DMD: variants seen among roughly 807,000 people sequenced by gnomAD.
DMD encodes the protein mutant dystrophin.
Under a neutral mutation model 330.1 loss-of-function variants are expected in DMD, and 63 were observed. That is an observed-to-expected ratio of 0.19 (90% CI 0.16 to 0.24). DMD has a LOEUF of 0.24. Among genes scored for constraint, DMD ranks in the 10% least tolerant of loss-of-function variants. DMD has a pLI of 1.00. For synonymous variants in DMD, 1,223 were observed against 959.8 expected (o/e 1.27, Z -5.07); for missense variants, 3,344 against 2,684.1 (o/e 1.25, Z -5.43).
chrX:32,557,660 C>G (rs746956363), intron 16 of DMD, among the ~76,000 whole-genome samples: 1 of 111,699 alleles, frequency 9.0e-6, no homozygotes, highest in Non-Finnish European at 1.9e-5. Context: ...ACTCCACAGG[C>G]ATGGTAGCAC....
intron 52 of DMD, among the ~76,000 whole-genome samples, chrX:31,692,878 C>A (rs949889793): frequency 9.0e-6 from 1 of 111,512 alleles, no homozygotes; most frequent in Non-Finnish European, 1.9e-5. Context: ...CTTTCTCAAA[C>A]TCTTTTGGAA....
At chrX:32,661,935 GA>G (rs771236946) in intron 9 of DMD, among the ~76,000 whole-genome samples, 5 of 111,100 alleles carry the variant, frequency 4.5e-5, no homozygotes, top group Non-Finnish European at 9.5e-5. Flanking sequence ...AATCATACCC[GA>G]AACCTGTCAA....
chrX:33,215,754 T>C (rs1413110481), upstream of DMD, among the ~76,000 whole-genome samples: 1 of 112,112 alleles, frequency 8.9e-6, no homozygotes, highest in African/African-American at 3.2e-5. Flanking sequence ...CAGCCAGTTT[T>C]CCCAGCACCA....
At chrX:32,044,692 G>A (rs1343490555) in intron 44 of DMD, among the ~76,000 whole-genome samples, 1 of 111,527 alleles carries the variant, frequency 9.0e-6, no homozygotes, top group Non-Finnish European at 1.9e-5. Context: ...AAAGTGCTGG[G>A]ATTACAGGCG....
chrX:32,727,149 T>C (rs1314135129), intron 7 of DMD, among the ~76,000 whole-genome samples: 1 of 111,358 alleles, frequency 9.0e-6, no homozygotes, highest in Non-Finnish European at 1.9e-5. Context: ...AAAAAAAAGA[T>C]CTGCTTCAGA....
At chrX:32,704,277 T>C (rs1280913244) in intron 7 of DMD, among the ~76,000 whole-genome samples, 1 of 90,572 alleles carries the variant, frequency 1.1e-5, no homozygotes, top group African/African-American at 8.7e-5. Flanking sequence ...CTCAGTGTAT[T>C]TGAAGACCAA....
At chrX:31,507,825 C>T (rs1459855893) in intron 55 of DMD, among the ~76,000 whole-genome samples, 1 of 111,719 alleles carries the variant, frequency 9.0e-6, no homozygotes, top group East Asian at 2.8e-4. Flanking sequence ...ACCCCAGTGC[C>T]AATAATTTCA....
In DMD at chrX:32,364,769, T is replaced by C. The variant is rs72468633; in HGVS notation, c.5026-59A>G. On this transcript the variant is annotated intron_variant, in intron 35 of 78. Transcript: ENST00000357033. ...GGTTAGACAATATTCTTAAAGAATTTTTCCTATGTTCTAAAATGTTTAAAA... is the reference window on the plus strand; with the variant it reads ...GGTTAGACAATATTCTTAAAGAATTCTTCCTATGTTCTAAAATGTTTAAAA... 3,960 of 1,140,737 alleles carry C rather than the reference T, an allele frequency of 3.5e-3. 74 individuals are homozygous for C. The African/African-American group carries it at 0.057, about 16-fold the overall frequency. 94.0% of individuals were successfully genotyped at this position (1,140,737 alleles called of 1,213,427 possible).
chrX:31,368,291 CTT>C (rs1414268290), intron 60 of DMD, among the ~76,000 whole-genome samples: 2 of 112,411 alleles, frequency 1.8e-5, no homozygotes, highest in Admixed American at 9.4e-5. Context: ...AGAAAAACTT[CTT>C]GTTTCCTTTT....
chrX:31,937,020 G>A (rs767446223), intron 45 of DMD, among the ~76,000 whole-genome samples: 4 of 111,039 alleles, frequency 3.6e-5, no homozygotes, highest in South Asian at 3.7e-4. Flanking sequence ...AGGTTAACCC[G>A]CTCTCCCACT....
chrX:33,336,406 G>C (rs187916792), intron 1 of DMD, among the ~76,000 whole-genome samples: 4 of 110,159 alleles, frequency 3.6e-5, no homozygotes, highest in Non-Finnish European at 7.6e-5. Flanking sequence ...TTTCTTAACC[G>C]ATAGTGTCTT....
chrX:32,668,777 G>C (rs945674382), intron 9 of DMD, among the ~76,000 whole-genome samples: 1 of 109,988 alleles, frequency 9.1e-6, no homozygotes, highest in Non-Finnish European at 1.9e-5. Context: ...TTTAATGAAG[G>C]GAGGAAAATA....
intron 44 of DMD, among the ~76,000 whole-genome samples, chrX:32,091,747 A>T (rs982479048): frequency 8.9e-6 from 1 of 111,984 alleles, no homozygotes; most frequent in African/African-American, 3.2e-5. Context: ...TAGAATTTTT[A>T]AAAATATTAT....
At chrX:31,122,013 A>C (rs2032686203) in intron 78 of DMD, 83 bp from the exon 79 acceptor site, 2 of 745,463 alleles carry the variant, frequency 2.7e-6, no homozygotes, top group African/African-American at 2.0e-5. Context: ...CATTTGGGAA[A>C]TCATTCCCCA....
intron 43 of DMD, among the ~76,000 whole-genome samples, chrX:32,252,631 T>TATATATATATAAATACAA (rs1569553544): frequency 3.1e-5 from 2 of 63,974 alleles, no homozygotes; most frequent in African/African-American, 1.3e-4. Context: ...TAAATATGTG[T>TATATATATATAAATACAA]ATATATAAAT....
chrX:33,055,446 C>G (rs1006242941), intron 1 of DMD, among the ~76,000 whole-genome samples: 2 of 111,846 alleles, frequency 1.8e-5, no homozygotes, highest in Non-Finnish European at 3.8e-5. Context: ...AAACTAATAG[C>G]AGAATGTCCT....
chrX:32,758,089 T>G (rs2148350932), intron 7 of DMD, among the ~76,000 whole-genome samples: 1 of 112,173 alleles, frequency 8.9e-6, no homozygotes, highest in Non-Finnish European at 1.9e-5. Context: ...TCAACAATGT[T>G]ATCTTTATTA....
intron 7 of DMD, among the ~76,000 whole-genome samples, chrX:32,791,607 A>G (rs1412074182): frequency 8.9e-6 from 1 of 112,263 alleles, no homozygotes; most frequent in African/African-American, 3.2e-5. Flanking sequence ...ATCAAAGGCA[A>G]AGACTCAAGA....
intron 54 of DMD, among the ~76,000 whole-genome samples, chrX:31,631,611 A>G (rs1470888826): frequency 9.0e-6 from 1 of 111,261 alleles, no homozygotes; most frequent in East Asian, 2.8e-4. Flanking sequence ...CCTTCTGCCC[A>G]ATCCTGCTCC....
Sources: gnomAD v4.1 joint callset for allele counts (sites outside exome capture counted in the v4.1 genomes callset) on GRCh38, gnomAD v4.1.1 for gene constraint, MANE v1.5 for transcripts, NCBI Gene and HGNC (gene_info 2026-07-23, HGNC 2026-07-21) for gene names.